Variants in DENND2D observed in about 807,000 individuals in gnomAD.
The protein encoded by DENND2D is DENN domain-containing protein 2D.
DENND2D carries 37 observed loss-of-function variants against 59.8 expected under a neutral mutation model. The observed-to-expected ratio is 0.62, with a 90% CI of 0.48 to 0.81. The LOEUF (loss-of-function observed/expected upper bound fraction) is 0.81, where lower values mean the gene tolerates loss of function less well. Ranked by LOEUF, DENND2D falls within the 40% of genes least tolerant of loss-of-function variation. The pLI, the probability that DENND2D is intolerant of heterozygous loss-of-function variation, is 0.00. For synonymous variants in DENND2D, 219 were observed against 211.3 expected (o/e 1.04, Z -0.31); for missense variants, 525 against 579.7 (o/e 0.91, Z 0.97).
chr1:111,199,638 G>T lies in DENND2D; in HGVS notation c.228C>A (p.Thr76=). 2 of 1,613,572 alleles carry T rather than the reference G, an allele frequency of 1.2e-6. No individual in the cohort carries two copies. The highest frequency in any genetic ancestry group is 1.7e-6 in the Non-Finnish European group (2 of 1,179,676). ...RSEDDYEPII[T]YQFPKRENLL... The stretch of plus-strand genomic sequence containing the variant: ...CAGTCCTTACCTTGGGAAATTGGTA[G>T]GTGATTATAGGCTCGTAATCATCCT... Residue 76 remains threonine, a synonymous_variant, in exon 2 of 12, where the codon ACC becomes ACA. Transcript: ENST00000357640.
chr1:111,194,567 G>A lies in DENND2D; in HGVS notation c.794+11C>T, dbSNP rs761443664. On this transcript the variant is annotated intron_variant, in intron 7 of 11. Coordinates refer to ENST00000357640, the MANE Select transcript of DENND2D (RefSeq NM_024901.5). Reference sequence around the variant, plus strand: ...GGCAGTTCAGGTGAGCCGTCCAGGGGCTGGGCCCACCTGAGACCTTCCGCC... The same window carrying A: ...GGCAGTTCAGGTGAGCCGTCCAGGGACTGGGCCCACCTGAGACCTTCCGCC... 6.2e-7 allele frequency: 1 copy of A among 1,613,472 alleles called. No homozygotes were observed. Among genetic ancestry groups the A allele is most frequent in the Non-Finnish European group, 8.5e-7 (1 of 1,179,906 alleles).
Position 111,189,257 on chromosome 1 carries a change from A to G in DENND2D, c.973-4T>C. The G allele has an allele frequency of 6.2e-7, 1 of 1,614,174 alleles. No homozygotes were observed. Among genetic ancestry groups the G allele is most frequent in the Non-Finnish European group, 8.5e-7 (1 of 1,180,018 alleles). On this transcript the variant is annotated splice_region_variant and splice_polypyrimidine_tract_variant and intron_variant, in intron 8 of 11. Transcript: ENST00000357640. ...CACAAAGATTGACCAGCAGGACCTG[A>G]AATAAACATAGACTGGCTTTCTCTG...
chr1:111,198,845 T>C, intron 2 of DENND2D, 103 bp from the exon 3 acceptor site: 1 of 1,199,096 alleles, frequency 8.3e-7, no homozygotes, highest in South Asian at 1.3e-5. Flanking sequence ...TAAAGCAGTC[T>C]AGGGTTAAGC....
chr1:111,192,478 A>C (rs192278204), intron 7 of DENND2D, among the ~76,000 whole-genome samples, 161 bp from the exon 8 acceptor site: 1 of 152,092 alleles, frequency 6.6e-6, no homozygotes, highest in East Asian at 1.9e-4. Context: ...TTGAACGTAC[A>C]TTGCTGGGAG....
At chr1:111,202,146 A>G (rs1658868958), upstream of DENND2D, among the ~76,000 whole-genome samples, 1 of 152,212 alleles carries the variant, frequency 6.6e-6, no homozygotes, top group African/African-American at 2.4e-5. Flanking sequence ...GAGAAACAGA[A>G]TCTTATCACT....
intron 8 of DENND2D, 77 bp downstream of exon 8, chr1:111,192,063 G>A: frequency 7.3e-7 from 1 of 1,362,862 alleles, no homozygotes; most frequent in Non-Finnish European, 9.9e-7. Context: ...TAATCACACA[G>A]CTGTAAGCAG....
chr1:111,196,138 G>T, intron 5 of DENND2D, 82 bp from the exon 6 acceptor site: 1 of 1,495,604 alleles, frequency 6.7e-7, no homozygotes, highest in South Asian at 1.3e-5. Context: ...GCCCCTGAGC[G>T]TCATAATGTT....
intron 5 of DENND2D, 62 bp downstream of exon 5, chr1:111,197,114 G>A: frequency 6.5e-7 from 1 of 1,546,030 alleles, no homozygotes; most frequent in African/African-American, 1.4e-5. Context: ...AGTTGCACAG[G>A]CAGGGTTGGC....
chr1:111,188,499 C>T (rs753174209), intron 10 of DENND2D, 129 bp from the exon 11 acceptor site: 85 of 1,376,824 alleles, frequency 6.2e-5, no homozygotes, highest in Non-Finnish European at 8.3e-5. Flanking sequence ...TTCATAATTA[C>T]TGACTGAGAT....
chr1:111,191,220 C>T (rs1383756886), intron 8 of DENND2D, among the ~76,000 whole-genome samples: 2 of 152,130 alleles, frequency 1.3e-5, no homozygotes. Flanking sequence ...ATGAGGGGGC[C>T]GGTGGAGCAA....
At position 111,194,561 on chromosome 1, in the gene DENND2D, C is replaced by T. The variant is rs660173; in HGVS notation, c.794+17G>A. ...ATGCTGGGCAGTTCAGGTGAGCCGT[C>T]CAGGGGCTGGGCCCACCTGAGACCT... On this transcript the variant is annotated intron_variant, in intron 7 of 11. Transcript: ENST00000357640. 1,127,467 of 1,612,704 alleles carry T rather than the reference C, an allele frequency of 0.7. 396,560 individuals are homozygous for T. The highest frequency in any genetic ancestry group is 0.83 in the Admixed American group (49,875 of 59,986).
At chr1:111,194,813 T>A in intron 6 of DENND2D, 87 bp from the exon 7 acceptor site, 2 of 1,459,296 alleles carry the variant, frequency 1.4e-6, no homozygotes, top group Non-Finnish European at 1.9e-6. Flanking sequence ...CAGCCTCTAT[T>A]CCTTCTGCCC....
At chr1:111,197,790 C>T (rs1462420817) in intron 4 of DENND2D, 130 bp downstream of exon 4, 8 of 1,498,320 alleles carry the variant, frequency 5.3e-6, no homozygotes, top group Non-Finnish European at 6.2e-6. Context: ...GGCAGCAGGT[C>T]CTGGGCTGTG....
chr1:111,189,358 A>G, intron 8 of DENND2D, 105 bp from the exon 9 acceptor site: 5 of 1,211,228 alleles, frequency 4.1e-6, no homozygotes, highest in Non-Finnish European at 6.0e-6. Context: ...CAGCCCAGGT[A>G]GCAACAAAAT....
In DENND2D at chr1:111,187,415, C is replaced by T; in HGVS notation, c.*190G>A. 1 of 596,468 alleles carries T rather than the reference C, an allele frequency of 1.7e-6. No homozygotes were observed. The allele number at this position is 596,468 out of a possible 1,614,324, so 36.9% of individuals were successfully genotyped here. ...TCTGTGAGCATGGTGTCAGAGCCCT[C>T]CAAAGTCCTGAGAAATCAATACCAG... On this transcript the variant is annotated 3_prime_UTR_variant, in exon 12 of 12. Transcript: ENST00000357640.
chr1:111,197,100 G>C, intron 5 of DENND2D, 76 bp downstream of exon 5: 1 of 1,490,984 alleles, frequency 6.7e-7, no homozygotes, highest in Non-Finnish European at 9.2e-7. Context: ...TCCACTAAGA[G>C]CTTAGTTGCA....
chr1:111,201,214 G>C (rs1210255119), upstream of DENND2D: 1 of 152,294 alleles, frequency 6.6e-6, no homozygotes, highest in Non-Finnish European at 1.5e-5. Flanking sequence ...TGATGGTGCA[G>C]TAGAGAGCAA....
intron 9 of DENND2D, 45 bp from the exon 10 acceptor site, chr1:111,188,831 G>C (rs1056245381): frequency 1.3e-6 from 2 of 1,560,238 alleles, no homozygotes; most frequent in African/African-American, 2.7e-5. Flanking sequence ...AGGAAGTGTG[G>C]AGTGAAGGTG....
intron 1 of DENND2D, 125 bp downstream of exon 1, chr1:111,200,268 T>C (rs1218983983): frequency 7.6e-7 from 1 of 1,319,974 alleles, no homozygotes; most frequent in East Asian, 2.6e-5. Context: ...CCTGACCCAG[T>C]CACATGGGGA....
Sources: allele counts gnomAD v4.1 joint callset (sites outside exome capture counted in the v4.1 genomes callset), GRCh38; gene constraint gnomAD v4.1.1; transcripts MANE v1.5; gene names NCBI Gene and HGNC (gene_info 2026-07-23, HGNC 2026-07-21).